The following MECOM variants were observed in gnomAD, a reference collection of about 807,000 sequenced individuals.
MECOM encodes MDS1 and EVI1 complex locus.
MECOM carries 13 observed loss-of-function variants against 116.3 expected under a neutral mutation model. The observed-to-expected ratio is 0.11, with a 90% CI of 0.07 to 0.18. The LOEUF (loss-of-function observed/expected upper bound fraction) is 0.18. MECOM is among the 10% of genes least tolerant of loss of function. The probability of loss-of-function intolerance (pLI) is 1.00; values close to 1 mark genes in which losing one functional copy is unlikely to be tolerated. For missense variants in MECOM, 1,299 were observed against 1,509.0 expected (o/e 0.86, Z 2.31); for synonymous variants, 528 against 535.2 (o/e 0.99, Z 0.19).
intron 2 of MECOM, among the ~76,000 whole-genome samples, chr3:169,212,372 T>C (rs1027074025): frequency 6.6e-6 from 1 of 151,142 alleles, no homozygotes; most frequent in South Asian, 2.1e-4. Flanking sequence ...TACCATGACC[T>C]GAATAGCTCT....
In MECOM at chr3:169,199,805, C is replaced by T. The variant is rs572196936; in HGVS notation, c.376-55973G>A. Among the ~76,000 whole-genome samples the T allele has an allele frequency of 7.2e-5, 11 of 152,104 alleles. No individual in the cohort carries two copies. In the South Asian group the frequency reaches 1.7e-3, roughly 23 times the overall value. ...AGTTGAGACCATAGTTTCATCCTAGCGTTACTCTGTCATTTCATGAAACAT... is the reference window on the plus strand; with the variant it reads ...AGTTGAGACCATAGTTTCATCCTAGTGTTACTCTGTCATTTCATGAAACAT... On this transcript the variant is annotated intron_variant, in intron 2 of 16. Transcript: ENST00000651503.
At position 169,531,047 on chromosome 3, in the gene MECOM, C is replaced by T. The variant is rs552601352; in HGVS notation, c.37+132289G>A. 4.6e-5 allele frequency among the ~76,000 whole-genome samples: 7 copies of T among 152,280 alleles called. No homozygotes were observed. The South Asian group carries it at 1.2e-3, about 27-fold the overall frequency. On this transcript the variant is annotated intron_variant, in intron 1 of 16. Coordinates refer to ENST00000651503, the MANE Select transcript of MECOM (RefSeq NM_004991.4). ...CACTTCAGATAGACAGACCCTTTGC[C>T]TATTTTCTAGTGTGGGTCCCATCCC...
intron 2 of MECOM, among the ~76,000 whole-genome samples, chr3:169,378,011 T>C (rs1271168702): frequency 6.6e-6 from 1 of 152,086 alleles, no homozygotes; most frequent in Non-Finnish European, 1.5e-5. Context: ...AATGAGTTCA[T>C]GTCCTTTGCA....
intron 1 of MECOM, among the ~76,000 whole-genome samples, chr3:169,504,626 A>G (rs1754977907): frequency 6.6e-6 from 1 of 152,164 alleles, no homozygotes; most frequent in African/African-American, 2.4e-5. Context: ...CATACCCAAC[A>G]AAATTGTATC....
At position 169,116,071 on chromosome 3, in the gene MECOM, G is replaced by A; in HGVS notation, c.1801C>T (p.Leu601=). 1 of 1,614,106 alleles carries A rather than the reference G, an allele frequency of 6.2e-7. No individual in the cohort carries two copies. The highest frequency in any genetic ancestry group is 8.5e-7 in the Non-Finnish European group (1 of 1,180,036). The change falls in exon 8 of 17, where the codon CTG becomes TTG. Residue 601 remains leucine, a synonymous_variant. Transcript: ENST00000651503. Reference sequence around the variant, plus strand: ...TTATCACTTTCAATGTCACTTTCCAGATCAGAGCCCGAGGTTGTTTCCAGG... The same window carrying A: ...TTATCACTTTCAATGTCACTTTCCAAATCAGAGCCCGAGGTTGTTTCCAGG... ...SDLETTSGSD[L]ESDIESDKEK...
chr3:169,658,095 G>A (rs1775749333), intron 1 of MECOM, among the ~76,000 whole-genome samples: 1 of 152,206 alleles, frequency 6.6e-6, no homozygotes, highest in Non-Finnish European at 1.5e-5. Flanking sequence ...AGAGTGGGAA[G>A]GGGGAAATCT....
intron 1 of MECOM, among the ~76,000 whole-genome samples, chr3:169,485,319 A>G (rs1373259627): frequency 6.6e-6 from 1 of 152,176 alleles, no homozygotes; most frequent in African/African-American, 2.4e-5. Flanking sequence ...AAATCAAAAT[A>G]AGGTTAAAAA....
chr3:169,231,236 T>C (rs1753355929), intron 2 of MECOM, among the ~76,000 whole-genome samples: 1 of 152,196 alleles, frequency 6.6e-6, no homozygotes, highest in African/African-American at 2.4e-5. Context: ...ATGTTGTTCA[T>C]TCTTTCATTT....
At chr3:169,154,253 G>A (rs1434534703) in intron 2 of MECOM, among the ~76,000 whole-genome samples, 1 of 152,008 alleles carries the variant, frequency 6.6e-6, no homozygotes, top group East Asian at 1.9e-4. Flanking sequence ...TCTTGGACTA[G>A]TTTTAGGTCA....
intron 1 of MECOM, among the ~76,000 whole-genome samples, chr3:169,652,428 C>G (rs141916349): frequency 2.3e-3 from 344 of 152,220 alleles, no homozygotes; most frequent in Non-Finnish European, 4.0e-3. Flanking sequence ...TTCCCATTGA[C>G]TTAGGAGCAG....
At position 169,476,669 on chromosome 3, in the gene MECOM, C is replaced by CT. The variant is rs796719275; in HGVS notation, c.38-95146dup. The stretch of plus-strand genomic sequence containing the variant: ...GGTACTCATGCTCTCTGCAAGTAAT[C>CT]TTTTTTTTCTCCCCCTTCTCCCCCT... On this transcript the variant is annotated intron_variant, in intron 1 of 16. Coordinates refer to ENST00000651503, the MANE Select transcript of MECOM (RefSeq NM_004991.4). 6.6e-5 allele frequency among the ~76,000 whole-genome samples: 10 copies of CT among 151,914 alleles called. No homozygotes were observed. The East Asian group carries it at 9.7e-4, about 15-fold the overall frequency.
chr3:169,498,117 T>A (rs1754061538), intron 1 of MECOM, among the ~76,000 whole-genome samples: 1 of 152,224 alleles, frequency 6.6e-6, no homozygotes, highest in Admixed American at 6.5e-5. Context: ...AAGTACAAGA[T>A]GACAAAATAC....
At chr3:169,304,657 C>A in intron 2 of MECOM, among the ~76,000 whole-genome samples, 1 of 152,180 alleles carries the variant, frequency 6.6e-6, no homozygotes, top group Non-Finnish European at 1.5e-5. Flanking sequence ...TCACCTCAAT[C>A]AATAACCTGA....
intron 10 of MECOM, among the ~76,000 whole-genome samples, chr3:169,104,347 T>C (rs982122689): frequency 3.3e-5 from 5 of 152,232 alleles, no homozygotes; most frequent in African/African-American, 1.2e-4. Flanking sequence ...TATTTTATGA[T>C]ACTCTTGTAT....
At chr3:169,352,302 G>A (rs910330428) in intron 2 of MECOM, among the ~76,000 whole-genome samples, 13 of 151,708 alleles carry the variant, frequency 8.6e-5, no homozygotes, top group Non-Finnish European at 1.8e-4. Context: ...TCTTAAAACC[G>A]GTCATTTTTA....
chr3:169,097,817 T>TAAAAAAAAAAAAA (rs539873617), intron 12 of MECOM, among the ~76,000 whole-genome samples: 1,838 of 87,018 alleles, frequency 0.021, 298 homozygotes, highest in Non-Finnish European at 0.033. Context: ...ACTGTCTATA[T>TAAAAAAAAAAAAA]AAAAAAAAAA....
intron 2 of MECOM, chr3:169,146,515 C>A: frequency 7.2e-7 from 1 of 1,379,400 alleles, no homozygotes; most frequent in Non-Finnish European, 9.6e-7. Flanking sequence ...GTGTCCAGAC[C>A]GCACCGTTTC....
intron 1 of MECOM, among the ~76,000 whole-genome samples, chr3:169,443,546 C>T (rs1307249206): frequency 6.6e-6 from 1 of 152,188 alleles, no homozygotes; most frequent in Non-Finnish European, 1.5e-5. Context: ...TCTCTATCTG[C>T]CCTCAAATAG....
chr3:169,554,287 CTA>C (rs1461399715), intron 1 of MECOM, among the ~76,000 whole-genome samples: 1 of 152,128 alleles, frequency 6.6e-6, no homozygotes, highest in Non-Finnish European at 1.5e-5. Flanking sequence ...CATCAGACCA[CTA>C]TATGAGGGAA....
Sources: gnomAD v4.1 joint callset for allele counts (sites outside exome capture counted in the v4.1 genomes callset) on GRCh38, gnomAD v4.1.1 for gene constraint, MANE v1.5 for transcripts, NCBI Gene and HGNC (gene_info 2026-07-23, HGNC 2026-07-21) for gene names.